LARGE1: variants seen among roughly 807,000 people sequenced by gnomAD.
LARGE1 encodes LARGE xylosyl- and glucuronyltransferase 1, also known as xylosyl- and glucuronyltransferase LARGE1.
LARGE1 carries 43 observed loss-of-function variants against 87.6 expected under a neutral mutation model. That is an observed-to-expected ratio of 0.49 (90% CI 0.38 to 0.63). The LOEUF (loss-of-function observed/expected upper bound fraction) is 0.63. Among genes scored for constraint, LARGE1 ranks in the 30% least tolerant of loss-of-function variants. LARGE1 has a pLI of 0.00. For synonymous variants in LARGE1, 434 were observed against 394.6 expected, an observed-to-expected ratio of 1.10 and a Z score of -1.18; for missense variants, 802 against 1,000.2, an observed-to-expected ratio of 0.80 and a Z score of 2.67.
At chr22:33,172,004 G>A (rs976576824) in intron 11 of LARGE1, among the ~76,000 whole-genome samples, 12 of 152,206 alleles carry the variant, frequency 7.9e-5, no homozygotes, top group African/African-American at 2.9e-4. Flanking sequence ...GAGCCACAGG[G>A]GCATAGGTGC....
intron 2 of LARGE1, 50 bp downstream of exon 2, chr22:33,761,321 A>T (rs1451390072): frequency 7.3e-7 from 1 of 1,362,522 alleles, no homozygotes; most frequent in Non-Finnish European, 1.1e-6. Context: ...TATGACAGCT[A>T]ATGTTCCCTT....
chr22:33,735,405 T>C (rs1307011078), intron 2 of LARGE1, among the ~76,000 whole-genome samples: 2 of 152,350 alleles, frequency 1.3e-5, no homozygotes, highest in East Asian at 3.9e-4. Flanking sequence ...AATGCACACC[T>C]TAATAAACTT....
chr22:33,696,055 T>C (rs1343917649), intron 2 of LARGE1, among the ~76,000 whole-genome samples: 1 of 152,182 alleles, frequency 6.6e-6, no homozygotes, highest in African/African-American at 2.4e-5. Flanking sequence ...TTTCATGTAT[T>C]GCTAATCTGT....
chr22:33,878,302 T>G (rs2064549210), intron 1 of LARGE1, among the ~76,000 whole-genome samples: 2 of 151,784 alleles, frequency 1.3e-5, no homozygotes, highest in African/African-American at 2.4e-5. Context: ...CACGCCCAGC[T>G]AATTTTTGTA....
chr22:33,519,005 C>T (rs1279580380), intron 6 of LARGE1, among the ~76,000 whole-genome samples: 1 of 152,082 alleles, frequency 6.6e-6, no homozygotes, highest in African/African-American at 2.4e-5. Flanking sequence ...TGGAACTTAC[C>T]TAAAACAAGA....
chr22:33,441,071 C>CTTTTTTTTTTTTTTTTTTTTTTTTTTTTT (rs35976426), intron 6 of LARGE1, among the ~76,000 whole-genome samples: 1 of 98,556 alleles, frequency 1.0e-5, no homozygotes, highest in African/African-American at 4.9e-5. Flanking sequence ...TTTGTTTGAA[C>CTTTTTTTTTTTTTTTTTTTTTTTTTTTTT]TTTTTTTTTT....
At position 33,273,429 on chromosome 22, in the gene LARGE1, T is replaced by C. The variant is rs886057455; in HGVS notation, c.*998A>G. 151 of 398,578 alleles carry C rather than the reference T, an allele frequency of 3.8e-4. 1 individual carries two copies. The highest frequency in any genetic ancestry group is 6.2e-4 in the Middle Eastern group (1 of 1,610). The allele number at this position is 398,578 out of a possible 1,614,324, so 24.7% of individuals were successfully genotyped here. On this transcript the variant is annotated 3_prime_UTR_variant, in exon 15 of 15. Coordinates refer to ENST00000397394, the MANE Select transcript of LARGE1 (RefSeq NM_133642.5). ...TTCAGAACTGGGCTTTCATGAATTA[T>C]GAAAGTTCTTCGAAAGGCCTGAGAG... is the stretch of plus-strand genomic sequence containing the variant.
At chr22:33,354,385 G>T (rs1244408440) in intron 9 of LARGE1, among the ~76,000 whole-genome samples, 1 of 152,174 alleles carries the variant, frequency 6.6e-6, no homozygotes, top group Non-Finnish European at 1.5e-5. Flanking sequence ...ACTTAAGGTT[G>T]ATAAGTTCTT....
At chr22:33,714,158 C>T (rs1342760480) in intron 2 of LARGE1, among the ~76,000 whole-genome samples, 3 of 152,166 alleles carry the variant, frequency 2.0e-5, no homozygotes, top group Non-Finnish European at 4.4e-5. Context: ...ACTCTCCTAC[C>T]ACTGTGGTGA....
intron 3 of LARGE1, among the ~76,000 whole-genome samples, chr22:33,638,197 T>C (rs920544877): frequency 6.6e-6 from 1 of 152,134 alleles, no homozygotes; most frequent in Non-Finnish European, 1.5e-5. Flanking sequence ...TTATGTAAAG[T>C]CCATGAAGAT....
chr22:33,271,463 CAT>C (rs1364873133), downstream of LARGE1, among the ~76,000 whole-genome samples: 2 of 152,198 alleles, frequency 1.3e-5, no homozygotes, highest in Non-Finnish European at 2.9e-5. Flanking sequence ...GGCTTCTGCA[CAT>C]AGTGGTTACT....
At chr22:33,857,144 T>A (rs2063778556) in intron 1 of LARGE1, among the ~76,000 whole-genome samples, 1 of 152,206 alleles carries the variant, frequency 6.6e-6, no homozygotes, top group Non-Finnish European at 1.5e-5. Flanking sequence ...CTCGAACTCC[T>A]GGCCTTGAGG....
intron 6 of LARGE1, among the ~76,000 whole-genome samples, chr22:33,559,917 C>T (rs2077804596): frequency 6.6e-6 from 1 of 152,152 alleles, no homozygotes; most frequent in South Asian, 2.1e-4. Context: ...CCTAGATCGC[C>T]TTGGGCCCGC....
intron 1 of LARGE1, among the ~76,000 whole-genome samples, chr22:33,896,321 T>C (rs1475746926): frequency 6.6e-6 from 1 of 152,252 alleles, no homozygotes; most frequent in Admixed American, 6.5e-5. Flanking sequence ...ACATGGTGTT[T>C]AGCCTTTCCA....
chr22:33,223,373 G>A lies in LARGE1; in HGVS notation c.1731-56541C>T, dbSNP rs939764183. The stretch of plus-strand genomic sequence containing the variant: ...TTGGGCATTTCAGGGATTGGCCTGT[G>A]CATTTGCTATAGGCACCTTTTCTTC... On this transcript the variant is annotated intron_variant, in intron 11 of 11. Coordinates refer to the LARGE1 transcript ENST00000608642. 2.0e-5 allele frequency among the ~76,000 whole-genome samples: 3 copies of A among 152,182 alleles called. No homozygotes were observed. In the East Asian group the frequency reaches 5.8e-4, roughly 29 times the overall value.
intron 10 of LARGE1, among the ~76,000 whole-genome samples, chr22:33,325,245 C>A (rs1336559790): frequency 1.3e-5 from 2 of 152,178 alleles, no homozygotes; most frequent in Admixed American, 6.5e-5. Context: ...CTGTGCTCAC[C>A]AATATCCATA....
Position 33,725,366 on chromosome 22 carries a change from G to GCAA in LARGE1, c.106+36002_106+36004dup, listed in dbSNP as rs561799566. Among the ~76,000 whole-genome samples, 276 of 152,310 alleles carry GCAA rather than the reference G, an allele frequency of 1.8e-3. No homozygotes were observed. In the Middle Eastern group the frequency reaches 0.027, roughly 15 times the overall value. ...ATTCTGAATGCAAGGGTCAGCAGCAGCAACTGTGCAATAGTGCCTTTCTTT... is the reference window on the plus strand; with the variant it reads ...ATTCTGAATGCAAGGGTCAGCAGCAGCAACAACTGTGCAATAGTGCCTTTCTTT... On this transcript the variant is annotated intron_variant, in intron 2 of 14. Transcript: ENST00000397394.
At chr22:33,579,397 AT>A (rs2078448001) in intron 5 of LARGE1, among the ~76,000 whole-genome samples, 1 of 152,180 alleles carries the variant, frequency 6.6e-6, no homozygotes, top group South Asian at 2.1e-4. Flanking sequence ...TCTTTTGTAA[AT>A]TGTCCAGTCT....
At chr22:33,460,325 C>A (rs1222797078) in intron 6 of LARGE1, among the ~76,000 whole-genome samples, 3 of 152,100 alleles carry the variant, frequency 2.0e-5, no homozygotes, top group East Asian at 3.9e-4. Flanking sequence ...TACCTGGTAC[C>A]CATCTCAGAA....
Sources: allele counts gnomAD v4.1 joint callset (sites outside exome capture counted in the v4.1 genomes callset), GRCh38; gene constraint gnomAD v4.1.1; transcripts MANE v1.5; gene names NCBI Gene and HGNC (gene_info 2026-07-23, HGNC 2026-07-21).